Variants in NEMF observed in about 807,000 individuals in gnomAD.
The protein encoded by NEMF is ribosome quality control complex subunit NEMF.
In NEMF, 89 loss-of-function variants were observed where a neutral mutation model predicts 162.2. The ratio of observed to expected loss-of-function variants is 0.55; its 90% CI spans 0.46 to 0.65. NEMF has a LOEUF of 0.65. NEMF is among the 30% of genes least tolerant of loss of function. NEMF has a pLI of 0.00. For synonymous variants in NEMF, 421 were observed against 404.5 expected (o/e 1.04, Z -0.49); for missense variants, 1,133 against 1,261.9 (o/e 0.90, Z 1.55).
chr14:49,785,035 T>C (rs754091871), intron 31 of NEMF, 31 bp from the exon 32 acceptor site: 1 of 1,607,692 alleles, frequency 6.2e-7, no homozygotes. Context: ...AAGAATAATC[T>C]ACTGTTAAGT....
At chr14:49,791,964 T>C (rs995540918) in intron 26 of NEMF, among the ~76,000 whole-genome samples, 8 of 151,052 alleles carry the variant, frequency 5.3e-5, no homozygotes, top group South Asian at 2.1e-4. Flanking sequence ...ATTAAAGAAA[T>C]TGAAATTAGT....
chr14:49,828,083 A>G (rs1381610563), intron 15 of NEMF, among the ~76,000 whole-genome samples: 1 of 152,246 alleles, frequency 6.6e-6, no homozygotes, highest in Non-Finnish European at 1.5e-5. Context: ...GAACAGAAAA[A>G]TGAAGGTGTT....
Position 49,814,768 on chromosome 14 carries a change from CT to C in NEMF, c.1666del (p.Arg556AspfsTer3). Reference sequence around the variant, plus strand: ...ATCTTACCTACCTGGTGTCAAGTATCTTTTCACAATTATTTCATTCTGTTGC... The same window carrying C: ...ATCTTACCTACCTGGTGTCAAGTATCTTTCACAATTATTTCATTCTGTTGC... ...DQQQNEIIVK[R>X]YLTPGDIYVH... is the part of the protein sequence containing the mutation. On this transcript the variant is annotated frameshift_variant, in exon 17 of 33. Transcript: ENST00000298310. LOFTEE classifies it high-confidence loss of function. 1 of 1,579,278 alleles carries C rather than the reference CT, an allele frequency of 6.3e-7. No homozygotes were observed. The highest frequency in any genetic ancestry group is 1.2e-5 in the South Asian group (1 of 85,004).
intron 18 of NEMF, among the ~76,000 whole-genome samples, chr14:49,808,085 C>T (rs1327649444): frequency 6.6e-6 from 1 of 152,154 alleles, no homozygotes; most frequent in African/African-American, 2.4e-5. Flanking sequence ...ACACTAGACT[C>T]ATCAGATATA....
intron 14 of NEMF, 71 bp from the exon 15 acceptor site, chr14:49,828,425 T>C: frequency 1.9e-6 from 2 of 1,071,200 alleles, no homozygotes; most frequent in Non-Finnish European, 2.7e-6. Context: ...AGTTCTAACT[T>C]GACAAATTCT....
rs78895499 is a variant in NEMF, at chr14:49,782,975, G to C, written c.*1661C>G. ...TTAAGGCTTCATAAATAATGCCTATGATCACCTTGCATGGACAGCAATCCT... is the reference window on the plus strand; with the variant it reads ...TTAAGGCTTCATAAATAATGCCTATCATCACCTTGCATGGACAGCAATCCT... On this transcript the variant is annotated 3_prime_UTR_variant, in exon 33 of 33. Transcript: ENST00000298310. 1.0e-3 allele frequency: 1,653 copies of C among 1,607,188 alleles called. 17 individuals are homozygous for C. In the African/African-American group the frequency reaches 0.02, roughly 19 times the overall value.
rs1198280668 is a variant in NEMF, at chr14:49,789,565, C to A, written c.2628G>T (p.Met876Ile). The change falls in exon 27 of 33, where the codon ATG becomes ATT. Residue 876 changes from methionine (M) to isoleucine (I), a missense_variant. By Grantham distance (10) the Met-to-Ile change is conservative. Coordinates refer to ENST00000298310, the MANE Select transcript of NEMF (RefSeq NM_004713.6). Reference sequence around the variant, plus strand: ...CTTTGTATTTTTCTTTCATTTTTTTCATTTTACTCTACAAAATCAGAAGAT... The same window carrying A: ...CTTTGTATTTTTCTTTCATTTTTTTAATTTTACTCTACAAAATCAGAAGAT... Reference protein sequence around the residue: ...QPMKRGQKSKMKKMKEKYKDQ... With the variant: ...QPMKRGQKSKIKKMKEKYKDQ... The A allele has an allele frequency of 6.2e-7, 1 of 1,608,206 alleles. No homozygotes were observed. Among genetic ancestry groups the A allele is most frequent in the Admixed American group, 1.7e-5 (1 of 58,668 alleles).
chr14:49,791,535 G>A (rs1249425533), intron 26 of NEMF, among the ~76,000 whole-genome samples: 2 of 151,680 alleles, frequency 1.3e-5, no homozygotes, highest in African/African-American at 2.4e-5. Flanking sequence ...TCAAGAGATC[G>A]AGACCATCCT....
In NEMF at chr14:49,785,081, A is replaced by G. The variant is rs769162379; in HGVS notation, c.3073+11T>C. The G allele has an allele frequency of 1.0e-5, 16 of 1,607,142 alleles. No homozygotes were observed. The African/African-American group carries it at 2.0e-4, about 20-fold the overall frequency. On this transcript the variant is annotated intron_variant, in intron 31 of 32. Coordinates refer to ENST00000298310, the MANE Select transcript of NEMF (RefSeq NM_004713.6). Reference sequence around the variant, plus strand: ...TTTAAAATCATAATTCAAAAAAACAAATTTAAATACCTTTTCCCTTTTTCT... The same window carrying G: ...TTTAAAATCATAATTCAAAAAAACAGATTTAAATACCTTTTCCCTTTTTCT...
chr14:49,802,184 C>G (rs1890986782), intron 22 of NEMF, among the ~76,000 whole-genome samples: 1 of 151,590 alleles, frequency 6.6e-6, no homozygotes, highest in East Asian at 1.9e-4. Flanking sequence ...TGAGCTCTAG[C>G]AATCCACCTG....
chr14:49,845,106 T>C (rs1249661010), intron 4 of NEMF, among the ~76,000 whole-genome samples: 1 of 151,456 alleles, frequency 6.6e-6, no homozygotes, highest in Non-Finnish European at 1.5e-5. Context: ...AGTTAGTTTA[T>C]TTTTGAGACA....
intron 20 of NEMF, 41 bp from the exon 21 acceptor site, chr14:49,802,768 T>G (rs745560068): frequency 6.7e-7 from 1 of 1,502,668 alleles, no homozygotes; most frequent in Non-Finnish European, 9.1e-7. Flanking sequence ...AAAATCAGTC[T>G]TCTCCATTTT....
At chr14:49,805,874 T>C in intron 19 of NEMF, 147 bp downstream of exon 19, 1 of 489,790 alleles carries the variant, frequency 2.0e-6, no homozygotes, top group African/African-American at 1.9e-5. Flanking sequence ...TTATGGCACT[T>C]ATTACCTGAC....
At chr14:49,845,034 G>C (rs141296829) in intron 4 of NEMF, among the ~76,000 whole-genome samples, 1 of 151,948 alleles carries the variant, frequency 6.6e-6, no homozygotes, top group African/African-American at 2.4e-5. Context: ...CTCCCAAAGT[G>C]CTGGGATTAC....
intron 18 of NEMF, among the ~76,000 whole-genome samples, chr14:49,808,871 C>T (rs1469577164): frequency 6.6e-6 from 1 of 152,022 alleles, no homozygotes; most frequent in Non-Finnish European, 1.5e-5. Flanking sequence ...GGGCCAAAGA[C>T]TTTTAACAGA....
At chr14:49,824,875 GAGA>G (rs1892262016) in intron 16 of NEMF, among the ~76,000 whole-genome samples, 1 of 152,144 alleles carries the variant, frequency 6.6e-6, no homozygotes. Flanking sequence ...TTCCAAAACA[GAGA>G]AGGATAAAGA....
At chr14:49,845,472 C>A (rs1200729693) in intron 4 of NEMF, among the ~76,000 whole-genome samples, 1 of 152,110 alleles carries the variant, frequency 6.6e-6, no homozygotes, top group African/African-American at 2.4e-5. Context: ...AATAAATTAA[C>A]CTTTGCTTCC....
At chr14:49,794,559 A>G (rs1890597219) in intron 26 of NEMF, among the ~76,000 whole-genome samples, 1 of 151,602 alleles carries the variant, frequency 6.6e-6, no homozygotes, top group Non-Finnish European at 1.5e-5. Flanking sequence ...AGTATGCTAC[A>G]AACATGCCTG....
intron 25 of NEMF, among the ~76,000 whole-genome samples, chr14:49,799,237 A>AAAAAAAAAAAAT (rs1313485614): frequency 6.8e-6 from 1 of 147,310 alleles, no homozygotes. Context: ...AAAAAAAGGA[A>AAAAAAAAAAAAT]AATGTTAAGT....
Sources: allele counts gnomAD v4.1 joint callset (sites outside exome capture counted in the v4.1 genomes callset), GRCh38; gene constraint gnomAD v4.1.1; transcripts MANE v1.5; gene names NCBI Gene and HGNC (gene_info 2026-07-23, HGNC 2026-07-21).